The following C1orf21 variants were observed in gnomAD, a reference collection of about 807,000 sequenced individuals.
C1orf21 encodes chromosome 1 open reading frame 21, also known as uncharacterized protein C1orf21.
In C1orf21, 3 loss-of-function variants were observed where a neutral mutation model predicts 18.7. The ratio of observed to expected loss-of-function variants is 0.16; its 90% CI spans 0.07 to 0.42. The LOEUF (loss-of-function observed/expected upper bound fraction) is 0.42, where lower values mean the gene tolerates loss of function less well. Ranked by LOEUF, C1orf21 falls within the 10% of genes least tolerant of loss-of-function variation. The probability of loss-of-function intolerance (pLI) is 0.99; values close to 1 mark genes in which losing one functional copy is unlikely to be tolerated. For missense variants in C1orf21, 104 were observed against 143.6 expected (o/e 0.72, Z 1.41); for synonymous variants, 41 against 46.4 (o/e 0.88, Z 0.47).
intron 3 of C1orf21, among the ~76,000 whole-genome samples, chr1:184,522,863 A>G (rs1658323427): frequency 6.6e-6 from 1 of 151,966 alleles, no homozygotes; most frequent in African/African-American, 2.4e-5. Flanking sequence ...AATTTTTTGT[A>G]TGTTTTGTAG....
chr1:184,610,720 C>G (rs898498732), intron 5 of C1orf21, among the ~76,000 whole-genome samples: 1 of 151,852 alleles, frequency 6.6e-6, no homozygotes, highest in Admixed American at 6.6e-5. Flanking sequence ...TGGTGGCAGG[C>G]GCCTGTAGTC....
chr1:184,593,296 C>T (rs1466121699), intron 4 of C1orf21, among the ~76,000 whole-genome samples: 1 of 140,934 alleles, frequency 7.1e-6, no homozygotes, highest in Admixed American at 6.9e-5. Context: ...TGTGTGTGTA[C>T]ACACACATGT....
At chr1:184,466,235 C>A (rs1657395402) in intron 1 of C1orf21, among the ~76,000 whole-genome samples, 1 of 152,204 alleles carries the variant, frequency 6.6e-6, no homozygotes. Flanking sequence ...TAAGGAAGAG[C>A]ATCTTGCCCT....
At chr1:184,442,143 C>T (rs1242982116) in intron 1 of C1orf21, among the ~76,000 whole-genome samples, 1 of 152,116 alleles carries the variant, frequency 6.6e-6, no homozygotes, top group African/African-American at 2.4e-5. Context: ...ATAATAATAT[C>T]TCATATGGTA....
intron 2 of C1orf21, among the ~76,000 whole-genome samples, chr1:184,491,119 A>G (rs1335753447): frequency 6.6e-6 from 1 of 152,190 alleles, no homozygotes; most frequent in Non-Finnish European, 1.5e-5. Flanking sequence ...ACTTAAAATA[A>G]TGCCTGGCAC....
At chr1:184,416,772 GAC>G (rs1656459457) in intron 1 of C1orf21, among the ~76,000 whole-genome samples, 1 of 152,162 alleles carries the variant, frequency 6.6e-6, no homozygotes, top group African/African-American at 2.4e-5. Flanking sequence ...ATTGGAATGG[GAC>G]ACAGACTTCG....
At chr1:184,560,565 G>C in intron 3 of C1orf21, among the ~76,000 whole-genome samples, 1 of 152,046 alleles carries the variant, frequency 6.6e-6, no homozygotes, top group Admixed American at 6.5e-5. Context: ...CCCCTTTCTT[G>C]TAAAACCTAA....
chr1:184,482,513 A>ATGAC (rs1362835440), intron 2 of C1orf21, among the ~76,000 whole-genome samples: 2 of 152,346 alleles, frequency 1.3e-5, no homozygotes, highest in East Asian at 3.9e-4. Flanking sequence ...AGAGGAAATT[A>ATGAC]TGACTCCATG....
intron 3 of C1orf21, among the ~76,000 whole-genome samples, chr1:184,578,927 A>C (rs996167302): frequency 6.6e-6 from 1 of 151,748 alleles, no homozygotes; most frequent in African/African-American, 2.4e-5. Flanking sequence ...TTTGTAAGCA[A>C]TGATATCCGT....
chr1:184,573,470 G>A (rs186210072), intron 3 of C1orf21, among the ~76,000 whole-genome samples: 9 of 152,260 alleles, frequency 5.9e-5, no homozygotes, highest in South Asian at 2.1e-4. Flanking sequence ...CGATTTTTCC[G>A]AAATAGACGT....
At chr1:184,447,495 C>T (rs911942628) in intron 1 of C1orf21, among the ~76,000 whole-genome samples, 6 of 152,112 alleles carry the variant, frequency 3.9e-5, no homozygotes, top group African/African-American at 1.4e-4. Context: ...CATTCGTCTA[C>T]TCTTTATCTC....
At chr1:184,439,623 C>T (rs1026342091) in intron 1 of C1orf21, among the ~76,000 whole-genome samples, 2 of 151,886 alleles carry the variant, frequency 1.3e-5, no homozygotes, top group Non-Finnish European at 2.9e-5. Flanking sequence ...GGGATTAATC[C>T]AACAATTTGT....
chr1:184,392,687 C>G (rs372752107), intron 1 of C1orf21, among the ~76,000 whole-genome samples: 3 of 152,172 alleles, frequency 2.0e-5, no homozygotes, highest in Non-Finnish European at 4.4e-5. Flanking sequence ...TCCCCCTATA[C>G]CTGTTCTGTC....
chr1:184,590,894 A>T, intron 4 of C1orf21, 79 bp downstream of exon 4: 2 of 1,271,384 alleles, frequency 1.6e-6, no homozygotes, highest in Non-Finnish European at 2.2e-6. Flanking sequence ...TCAACTACCC[A>T]TGGATCAAAA....
intron 1 of C1orf21, among the ~76,000 whole-genome samples, chr1:184,466,281 C>G (rs533534053): frequency 6.6e-6 from 1 of 152,164 alleles, no homozygotes; most frequent in Non-Finnish European, 1.5e-5. Context: ...CCCCATGAAA[C>G]ATCCCAGAAA....
At chr1:184,446,170 C>T (rs924343802) in intron 1 of C1orf21, among the ~76,000 whole-genome samples, 3 of 152,038 alleles carry the variant, frequency 2.0e-5, no homozygotes, top group African/African-American at 4.8e-5. Context: ...CGATGGATGT[C>T]AGTTATTATC....
chr1:184,513,132 A>C (rs866636761), intron 3 of C1orf21, among the ~76,000 whole-genome samples: 1 of 152,202 alleles, frequency 6.6e-6, no homozygotes, highest in Non-Finnish European at 1.5e-5. Context: ...ATTATCTTCC[A>C]TGAAACCAGT....
chr1:184,460,087 T>A (rs1657278302), intron 1 of C1orf21, among the ~76,000 whole-genome samples: 1 of 152,160 alleles, frequency 6.6e-6, no homozygotes, highest in Admixed American at 6.6e-5. Context: ...ACAAGCACCC[T>A]GGGAGAAACA....
intron 2 of C1orf21, among the ~76,000 whole-genome samples, chr1:184,489,463 A>G (rs1318270489): frequency 6.6e-6 from 1 of 152,234 alleles, no homozygotes; most frequent in African/African-American, 2.4e-5. Flanking sequence ...GTCTCATGCT[A>G]TAATGGAGAA....
Sources: allele counts gnomAD v4.1 joint callset (sites outside exome capture counted in the v4.1 genomes callset), GRCh38; gene constraint gnomAD v4.1.1; transcripts MANE v1.5; gene names NCBI Gene and HGNC (gene_info 2026-07-23, HGNC 2026-07-21).